The following TAFA1 variants were observed in gnomAD, a reference collection of about 807,000 sequenced individuals.
TAFA1 encodes TAFA chemokine like family member 1.
A neutral mutation model predicts 18.5 loss-of-function variants in TAFA1; 4 were observed. The observed-to-expected ratio is 0.22, with a 90% CI of 0.11 to 0.49. The LOEUF (loss-of-function observed/expected upper bound fraction) is 0.49, where lower values mean the gene tolerates loss of function less well. TAFA1 is among the 20% of genes least tolerant of loss of function. The probability of loss-of-function intolerance (pLI) is 0.98; values close to 1 mark genes in which losing one functional copy is unlikely to be tolerated. For synonymous variants in TAFA1, 56 were observed against 55.2 expected (o/e 1.01, Z -0.06); for missense variants, 147 against 169.0 (o/e 0.87, Z 0.72).
At chr3:68,178,189 G>A (rs2066150102) in intron 2 of TAFA1, among the ~76,000 whole-genome samples, 6 of 151,824 alleles carry the variant, frequency 4.0e-5, no homozygotes, top group Admixed American at 3.9e-4. Context: ...CACCATACCT[G>A]GTATATGGTA....
intron 2 of TAFA1, among the ~76,000 whole-genome samples, chr3:68,401,652 G>T (rs2070495350): frequency 1.3e-5 from 2 of 152,162 alleles, no homozygotes; most frequent in Admixed American, 1.3e-4. Flanking sequence ...ACTTCCCCAA[G>T]AATAAATGTT....
intron 2 of TAFA1, among the ~76,000 whole-genome samples, chr3:68,085,885 A>T (rs2064965150): frequency 1.3e-5 from 2 of 152,202 alleles, no homozygotes; most frequent in South Asian, 4.1e-4. Context: ...GCAACACAGT[A>T]TCCAGCCATG....
chr3:68,055,231 G>A (rs2064518736), intron 2 of TAFA1, among the ~76,000 whole-genome samples: 1 of 152,098 alleles, frequency 6.6e-6, no homozygotes, highest in Non-Finnish European at 1.5e-5. Context: ...CCTCACCTAA[G>A]GGCTGAGGAG....
intron 4 of TAFA1, 41 bp from the exon 5 acceptor site, chr3:68,544,445 G>A (rs573865701): frequency 1.2e-6 from 2 of 1,606,558 alleles, no homozygotes; most frequent in South Asian, 2.2e-5. Flanking sequence ...CCTTCAGTTT[G>A]CACTGTTCTC....
At chr3:68,011,480 G>T (rs34999500) in intron 2 of TAFA1, among the ~76,000 whole-genome samples, 100,790 of 151,982 alleles carry the variant, frequency 0.66, 33,764 homozygotes, top group East Asian at 0.81. Flanking sequence ...TTTTAAAGTA[G>T]GATATTTTTG....
At chr3:68,221,838 C>A (rs2066734599) in intron 2 of TAFA1, among the ~76,000 whole-genome samples, 1 of 151,986 alleles carries the variant, frequency 6.6e-6, no homozygotes, top group African/African-American at 2.4e-5. Context: ...TCAGAGACAC[C>A]ACTAACAATC....
chr3:68,232,997 T>G (rs2066889434), intron 2 of TAFA1, among the ~76,000 whole-genome samples: 1 of 152,210 alleles, frequency 6.6e-6, no homozygotes, highest in Admixed American at 6.5e-5. Context: ...CCCTTTTCTC[T>G]GCATCCTTGC....
intron 2 of TAFA1, among the ~76,000 whole-genome samples, chr3:68,023,564 C>A (rs1296511087): frequency 6.6e-6 from 1 of 152,046 alleles, no homozygotes; most frequent in Non-Finnish European, 1.5e-5. Flanking sequence ...CACAAAATAC[C>A]TTAGTGGTTA....
At position 68,483,083 on chromosome 3, in the gene TAFA1, G is replaced by A. The variant is rs112542655; in HGVS notation, c.260-55673G>A. On this transcript the variant is annotated intron_variant, in intron 3 of 4. Transcript: ENST00000478136. ...AACTAAGGAATCAGCAAATAAAAAG[G>A]CATGCCCTTGAAATAAAAAGGTGCA... is the stretch of plus-strand genomic sequence containing the variant. 4.6e-5 allele frequency among the ~76,000 whole-genome samples: 7 copies of A among 152,238 alleles called. 1 individual carries two copies. Among genetic ancestry groups the A allele is most frequent in the African/African-American group, 1.7e-4 (7 of 41,546 alleles).
At chr3:68,074,588 A>G (rs1015192865) in intron 2 of TAFA1, among the ~76,000 whole-genome samples, 2 of 152,192 alleles carry the variant, frequency 1.3e-5, no homozygotes, top group Admixed American at 1.3e-4. Context: ...AAAAGTATAT[A>G]AGGCTTCTGA....
At chr3:68,095,777 A>G (rs948483831) in intron 2 of TAFA1, among the ~76,000 whole-genome samples, 7 of 152,176 alleles carry the variant, frequency 4.6e-5, no homozygotes, top group Non-Finnish European at 1.0e-4. Context: ...CCATGCATTA[A>G]TTAGTTAATT....
At chr3:68,435,072 G>C (rs969827692) in intron 3 of TAFA1, among the ~76,000 whole-genome samples, 1 of 152,138 alleles carries the variant, frequency 6.6e-6, no homozygotes, top group Non-Finnish European at 1.5e-5. Flanking sequence ...GATGAGCCCA[G>C]AGTGCTCTGA....
At chr3:68,020,724 TCATCA>T (rs1704670278) in intron 2 of TAFA1, among the ~76,000 whole-genome samples, 1 of 152,170 alleles carries the variant, frequency 6.6e-6, no homozygotes, top group Non-Finnish European at 1.5e-5. Context: ...ATCCATGTAC[TCATCA>T]CAGTACATGA....
chr3:68,199,123 A>ACACTATCTTT (rs1456664817), intron 2 of TAFA1, among the ~76,000 whole-genome samples: 19 of 151,672 alleles, frequency 1.3e-4, no homozygotes, highest in Non-Finnish European at 1.5e-5. Flanking sequence ...TTTGTTAACA[A>ACACTATCTTT]CACTATCTTT....
intron 2 of TAFA1, among the ~76,000 whole-genome samples, chr3:68,202,541 C>T (rs1385524773): frequency 1.3e-5 from 2 of 151,594 alleles, no homozygotes; most frequent in Non-Finnish European, 3.0e-5. Flanking sequence ...TATTTTATAA[C>T]TTATTTAGTG....
intron 2 of TAFA1, among the ~76,000 whole-genome samples, chr3:68,282,894 G>C (rs905032701): frequency 6.6e-6 from 1 of 152,144 alleles, no homozygotes; most frequent in Admixed American, 6.5e-5. Flanking sequence ...GGGCCTTGGA[G>C]CTTGTTATCA....
chr3:68,313,273 T>A (rs1427193978), intron 2 of TAFA1, among the ~76,000 whole-genome samples: 1 of 152,172 alleles, frequency 6.6e-6, no homozygotes, highest in Non-Finnish European at 1.5e-5. Context: ...AAGCAAATAG[T>A]TTTGAAAGTG....
chr3:68,219,069 A>T (rs1202547473), intron 2 of TAFA1, among the ~76,000 whole-genome samples: 1 of 151,846 alleles, frequency 6.6e-6, no homozygotes, highest in Non-Finnish European at 1.5e-5. Flanking sequence ...ACTTACCATT[A>T]GAAATCCTCT....
chr3:68,357,527 C>A (rs564911210), intron 2 of TAFA1, among the ~76,000 whole-genome samples: 1 of 151,984 alleles, frequency 6.6e-6, no homozygotes, highest in South Asian at 2.1e-4. Context: ...TACTTTCAGG[C>A]CATTTCCACC....
Sources: gnomAD v4.1 joint callset for allele counts (sites outside exome capture counted in the v4.1 genomes callset) on GRCh38, gnomAD v4.1.1 for gene constraint, MANE v1.5 for transcripts, NCBI Gene and HGNC (gene_info 2026-07-23, HGNC 2026-07-21) for gene names.